Variants in RBM4 observed in about 807,000 individuals in gnomAD.
RBM4 encodes RNA-binding protein 4.
In RBM4, 7 loss-of-function variants were observed where a neutral mutation model predicts 29.5. The observed-to-expected ratio is 0.24, with a 90% CI of 0.14 to 0.45. The LOEUF (loss-of-function observed/expected upper bound fraction) is 0.45, where lower values mean the gene tolerates loss of function less well. RBM4 is among the 20% of genes least tolerant of loss of function. The pLI is 1.00. For synonymous variants in RBM4, 220 were observed against 205.4 expected, an observed-to-expected ratio of 1.07 and a Z score of -0.61; for missense variants, 387 against 502.3, an observed-to-expected ratio of 0.77 and a Z score of 2.19.
chr11:66,649,309 ATTGAC>A (rs1938775400), downstream of RBM4, among the ~76,000 whole-genome samples: 1 of 152,176 alleles, frequency 6.6e-6, no homozygotes, highest in South Asian at 2.1e-4. Context: ...TAAGCTATTT[ATTGAC>A]TTGTTGAGAG....
At chr11:66,644,645 T>A in intron 3 of RBM4, 2 of 977,094 alleles carry the variant, frequency 2.0e-6, no homozygotes, top group Non-Finnish European at 2.4e-6. Flanking sequence ...TCCCAGTTAC[T>A]AAGAAGACTA....
In RBM4 at chr11:66,643,308, T is replaced by TC. The variant is rs1938546449; in HGVS notation, c.413-142_413-141insC. 8.7e-7 allele frequency: 1 copy of TC among 1,145,170 alleles called. No individual in the cohort carries two copies. The highest frequency in any genetic ancestry group is 1.2e-6 in the Non-Finnish European group (1 of 841,272). 70.9% of individuals were successfully genotyped at this position (1,145,170 alleles called of 1,614,324 possible). On this transcript the variant is annotated intron_variant, in intron 2 of 3. Coordinates refer to ENST00000310092, the MANE Select transcript of RBM4 (RefSeq NM_002896.4). The surrounding 1 kb of genome is among the most constrained non-coding windows in gnomAD (Gnocchi z 6.1). Reference sequence around the variant, plus strand: ...GAATCTATATGTTGAGTCTTTTTTTTTTTTCCTTTTTATCTTTTCCTAAAG... The same window carrying TC: ...GAATCTATATGTTGAGTCTTTTTTTTCTTTTCCTTTTTATCTTTTCCTAAAG...
chr11:66,643,481 C>G lies in RBM4; in HGVS notation c.444C>G (p.Ser148Arg). 1 of 1,611,888 alleles carries G rather than the reference C, an allele frequency of 6.2e-7. No individual in the cohort carries two copies. Among genetic ancestry groups the G allele is most frequent in the Non-Finnish European group, 8.5e-7 (1 of 1,178,260 alleles). Reference sequence around the variant, plus strand: ...GAATGCACGTGCAGTTGTCCACCAGCCGGCTTAGGACTGCGCCCGGGATGG... The same window carrying G: ...GAATGCACGTGCAGTTGTCCACCAGGCGGCTTAGGACTGCGCCCGGGATGG... ...GKRMHVQLST[S>R]RLRTAPGMGD... The change falls in exon 3 of 4, where the codon AGC (serine) becomes AGG (arginine). Residue 148 changes from serine (S) to arginine (R), a missense_variant. Transcript: ENST00000310092. The surrounding 1 kb of genome is among the most constrained non-coding windows in gnomAD (Gnocchi z 6.1).
chr11:66,647,201 CTG>C (rs1163762980), downstream of RBM4, among the ~76,000 whole-genome samples: 5 of 152,322 alleles, frequency 3.3e-5, no homozygotes, highest in South Asian at 6.2e-4. Flanking sequence ...AGATACAGGA[CTG>C]TGTCAGAGCA....
In RBM4 at chr11:66,643,312, TC is replaced by T; in HGVS notation, c.413-136del. The T allele has an allele frequency of 1.6e-5, 19 of 1,161,958 alleles. No individual in the cohort carries two copies. The highest frequency in any genetic ancestry group is 3.8e-5 in the South Asian group (2 of 53,220). The allele number at this position is 1,161,958 out of a possible 1,614,324, so 72.0% of individuals were successfully genotyped here. On this transcript the variant is annotated intron_variant, in intron 2 of 3. Transcript: ENST00000310092. The surrounding 1 kb of genome is among the most constrained non-coding windows in gnomAD (Gnocchi z 6.1). ...CTATATGTTGAGTCTTTTTTTTTTT[TC>T]CTTTTTATCTTTTCCTAAAGATGAG...
In RBM4 at chr11:66,664,425, C is replaced by T. The variant is rs148383146; in HGVS notation, c.413-1431C>T. On this transcript the variant is annotated intron_variant, in intron 2 of 2. Coordinates refer to the RBM4 transcript ENST00000396053. ...TCGGTCTCCCAAAGTGCTGAGATTA[C>T]AGGCGTGAGCTATCGCGCCTGGCCA... Among the ~76,000 whole-genome samples, 1,151 of 152,184 alleles carry T rather than the reference C, an allele frequency of 7.6e-3. 13 individuals carry two copies. Among genetic ancestry groups the T allele is most frequent in the African/African-American group, 0.026 (1,074 of 41,522 alleles).
chr11:66,663,295 C>T (rs1019699731), intron 2 of RBM4, among the ~76,000 whole-genome samples: 4 of 152,160 alleles, frequency 2.6e-5, no homozygotes, highest in Non-Finnish European at 5.9e-5. Context: ...ATATTTTAGC[C>T]AAAGCCTAAT....
At chr11:66,649,935 ATT>A (rs1328199827), downstream of RBM4, 1 of 548,466 alleles carries the variant, frequency 1.8e-6, no homozygotes, top group African/African-American at 1.9e-5. Flanking sequence ...CCCCCATAGC[ATT>A]TCACTGTTCA....
intron 2 of RBM4, among the ~76,000 whole-genome samples, chr11:66,653,168 G>A (rs895851863): frequency 6.6e-6 from 1 of 152,040 alleles, no homozygotes; most frequent in Non-Finnish European, 1.5e-5. Context: ...AACTGAGTTT[G>A]GGGCTTCCTT....
chr11:66,666,007 G>A, exon 3 of RBM4: 1 of 1,446,338 alleles, frequency 6.9e-7, no homozygotes, highest in East Asian at 2.5e-5. Context: ...AATGTGTTTT[G>A]TTTTAATCTT....
At chr11:66,641,588 C>T (rs1423198391) in intron 2 of RBM4, among the ~76,000 whole-genome samples, 1 of 152,178 alleles carries the variant, frequency 6.6e-6, no homozygotes, top group Non-Finnish European at 1.5e-5. Context: ...GTGGTGTCTG[C>T]TTGTAGCAGT....
intron 2 of RBM4, among the ~76,000 whole-genome samples, chr11:66,661,147 C>G (rs1939075764): frequency 1.3e-5 from 2 of 152,302 alleles, no homozygotes; most frequent in Admixed American, 1.3e-4. Context: ...CATTCTTCTC[C>G]TGCAAGTTCC....
intron 2 of RBM4, among the ~76,000 whole-genome samples, chr11:66,641,821 G>A (rs942108721): frequency 2.0e-5 from 3 of 151,920 alleles, no homozygotes; most frequent in South Asian, 4.2e-4. Context: ...TTTCCTTTCC[G>A]TTTCTCAGTG....
downstream of RBM4, among the ~76,000 whole-genome samples, chr11:66,650,139 G>T (rs1353720352): frequency 6.6e-6 from 1 of 152,184 alleles, no homozygotes; most frequent in African/African-American, 2.4e-5. Context: ...AGTCAGTTCG[G>T]GGTGGGAATG....
intron 2 of RBM4, chr11:66,640,757 G>C (rs931407563): frequency 1.3e-5 from 2 of 152,514 alleles, no homozygotes; most frequent in African/African-American, 2.4e-5. Flanking sequence ...TTGGTTTGGG[G>C]GGCTGGACTT....
Position 66,646,390 on chromosome 11 carries a change from T to G in RBM4, c.*372T>G, listed in dbSNP as rs1938694391. The G allele has an allele frequency of 8.8e-7, 1 of 1,139,248 alleles. No individual in the cohort carries two copies. Among genetic ancestry groups the G allele is most frequent in the Non-Finnish European group, 1.1e-6 (1 of 924,786 alleles). 70.6% of individuals were successfully genotyped at this position (1,139,248 alleles called of 1,614,324 possible). On this transcript the variant is annotated 3_prime_UTR_variant, in exon 4 of 4. Coordinates refer to ENST00000310092, the MANE Select transcript of RBM4 (RefSeq NM_002896.4). ...GTGAGAGTCTCACTGCTCCAGGGTC[T>G]CTTTTTGGTCCAAAGGCTAGACCTA...
intron 2 of RBM4, among the ~76,000 whole-genome samples, chr11:66,656,430 G>A (rs780498860): frequency 1.3e-5 from 2 of 151,920 alleles, no homozygotes; most frequent in African/African-American, 2.4e-5. Context: ...GTGAGCCACC[G>A]TGCCTGGCCT....
chr11:66,660,149 T>TTA (rs1939046393), intron 2 of RBM4, among the ~76,000 whole-genome samples: 1 of 149,600 alleles, frequency 6.7e-6, no homozygotes, highest in African/African-American at 2.4e-5. Flanking sequence ...TTTTTTTTTT[T>TTA]AAATCTGAAG....
intron 2 of RBM4, chr11:66,640,523 C>T (rs564237528): frequency 1.6e-5 from 6 of 377,728 alleles, no homozygotes; most frequent in East Asian, 1.2e-4. Context: ...TGAAGAACCT[C>T]TCAAAAACAT....
Sources: gnomAD v4.1 joint callset for allele counts (sites outside exome capture counted in the v4.1 genomes callset) on GRCh38, gnomAD v4.1.1 for gene constraint, Gnocchi (gnomAD v3.1) non-coding constraint, MANE v1.5 for transcripts, NCBI Gene and HGNC (gene_info 2026-07-23, HGNC 2026-07-21) for gene names.